The following CDC42BPA variants were observed in gnomAD, a reference collection of about 807,000 sequenced individuals.
CDC42BPA encodes serine/threonine-protein kinase MRCK alpha.
CDC42BPA carries 80 observed loss-of-function variants against 223.5 expected under a neutral mutation model. The observed-to-expected ratio is 0.36, with a 90% CI of 0.30 to 0.43. The LOEUF is 0.43. Ranked by LOEUF, CDC42BPA falls within the 20% of genes least tolerant of loss-of-function variation. CDC42BPA has a pLI of 1.00. For missense variants in CDC42BPA, 1,743 were observed against 2,099.9 expected (o/e 0.83, Z 3.32); for synonymous variants, 694 against 718.6 (o/e 0.97, Z 0.55).
chr1:227,301,067 CTG>C (rs1379958421), intron 1 of CDC42BPA, among the ~76,000 whole-genome samples: 1 of 151,822 alleles, frequency 6.6e-6, no homozygotes, highest in Non-Finnish European at 1.5e-5. Context: ...TGTTCTTTTG[CTG>C]TGTGTTCACA....
At chr1:227,059,653 A>C (rs1675386959) in intron 21 of CDC42BPA, among the ~76,000 whole-genome samples, 1 of 152,154 alleles carries the variant, frequency 6.6e-6, no homozygotes, top group Non-Finnish European at 1.5e-5. Context: ...TGACCCACAA[A>C]ATAAGCCTTC....
intron 1 of CDC42BPA, among the ~76,000 whole-genome samples, chr1:227,282,033 T>C (rs927084518): frequency 1.3e-5 from 2 of 151,760 alleles, no homozygotes; most frequent in Non-Finnish European, 1.5e-5. Flanking sequence ...CTACTAAAAA[T>C]ACAAAATTAG....
intron 1 of CDC42BPA, among the ~76,000 whole-genome samples, chr1:227,310,810 C>G (rs371498712): frequency 1.1e-4 from 17 of 151,876 alleles, no homozygotes; most frequent in Middle Eastern, 3.4e-3. Flanking sequence ...CCTCAGCCTC[C>G]TGAGTAGCTG....
intron 2 of CDC42BPA, among the ~76,000 whole-genome samples, chr1:227,227,125 A>G (rs1286336561): frequency 1.3e-5 from 2 of 152,154 alleles, no homozygotes; most frequent in Admixed American, 6.5e-5. Flanking sequence ...GAAACAAGGT[A>G]ATTTGTTAAG....
At chr1:227,211,032 A>C (rs530571971) in intron 3 of CDC42BPA, among the ~76,000 whole-genome samples, 37 of 152,190 alleles carry the variant, frequency 2.4e-4, no homozygotes, top group Non-Finnish European at 4.4e-4. Context: ...CTTCCCTTCT[A>C]CAGGTAGGGA....
intron 6 of CDC42BPA, among the ~76,000 whole-genome samples, chr1:227,151,065 C>G (rs1176967135): frequency 6.6e-6 from 1 of 151,896 alleles, no homozygotes; most frequent in Non-Finnish European, 1.5e-5. Flanking sequence ...GCATAAGTAC[C>G]TTCACACTGT....
chr1:227,248,253 G>C (rs780718642), intron 2 of CDC42BPA, among the ~76,000 whole-genome samples: 1 of 152,098 alleles, frequency 6.6e-6, no homozygotes, highest in African/African-American at 2.4e-5. Flanking sequence ...GTATTAGCTA[G>C]AGCAATTAAA....
intron 16 of CDC42BPA, among the ~76,000 whole-genome samples, chr1:227,083,403 T>A (rs111774646): frequency 1.3e-5 from 2 of 152,222 alleles, no homozygotes; most frequent in African/African-American, 4.8e-5. Context: ...CAGTTTTGTA[T>A]AGATTCCAGT....
At chr1:227,141,597 A>G (rs1006514015) in intron 9 of CDC42BPA, among the ~76,000 whole-genome samples, 6 of 152,170 alleles carry the variant, frequency 3.9e-5, no homozygotes, top group African/African-American at 1.4e-4. Context: ...CAATCCTTTC[A>G]GTGAAAGGAG....
chr1:227,310,168 C>G (rs140411662), intron 1 of CDC42BPA, among the ~76,000 whole-genome samples: 323 of 152,270 alleles, frequency 2.1e-3, no homozygotes, highest in Middle Eastern at 6.8e-3. Flanking sequence ...TCCAGACGCT[C>G]TGAAAAAAAG....
intron 32 of CDC42BPA, among the ~76,000 whole-genome samples, chr1:227,020,055 G>A (rs1667086732): frequency 6.6e-6 from 1 of 151,964 alleles, no homozygotes; most frequent in South Asian, 2.1e-4. Context: ...TGCCACCACA[G>A]CTGGCTAATT....
intron 11 of CDC42BPA, among the ~76,000 whole-genome samples, chr1:227,125,602 T>TG (rs367953487): frequency 0.067 from 7,836 of 117,492 alleles, 347 homozygotes; most frequent in East Asian, 0.18. Flanking sequence ...GTCTACAAAT[T>TG]AAAAAAAAAA....
Position 227,112,388 on chromosome 1 carries a change from G to A in CDC42BPA, c.1925C>T (p.Ala642Val), listed in dbSNP as rs772855370. The stretch of plus-strand genomic sequence containing the variant: ...TTCACGTAGCTTCCTGTCTTTAGAT[G>A]CTTCAGCAGCTAGAGCTTCTGTATG... Reference protein sequence around the residue: ...EVHTEALAAEASKDRKLREQS... With the variant: ...EVHTEALAAEVSKDRKLREQS... Residue 642 changes from alanine (A) to valine (V), a missense_variant, in exon 14 of 37, where the codon GCA becomes GTA. By Grantham distance (64) the Ala-to-Val change is moderately conservative. Coordinates refer to ENST00000366766, the MANE Select transcript of CDC42BPA (RefSeq NM_001394014.1). The A allele has an allele frequency of 1.2e-6, 2 of 1,605,198 alleles. No homozygotes were observed. The highest frequency in any genetic ancestry group is 1.7e-6 in the Non-Finnish European group (2 of 1,176,026).
chr1:227,087,968 A>C (rs1233394417), intron 16 of CDC42BPA, among the ~76,000 whole-genome samples: 2 of 152,008 alleles, frequency 1.3e-5, no homozygotes, highest in African/African-American at 4.8e-5. Flanking sequence ...TTTCAGTTGG[A>C]GATTTGCAAG....
At chr1:227,004,972 T>A in intron 35 of CDC42BPA, 22 bp downstream of exon 35, 1 of 1,551,440 alleles carries the variant, frequency 6.4e-7, no homozygotes, top group Middle Eastern at 1.7e-4. Context: ...CAGAGGCACC[T>A]TCCTGTAGCC....
chr1:227,133,344 C>T lies in CDC42BPA; in HGVS notation c.1391-4113G>A, dbSNP rs1266771276. On this transcript the variant is annotated intron_variant, in intron 10 of 36. Transcript: ENST00000366766. ...CGCCCAGTCCGGGAGGAGGTGGGGG[C>T]GGACAGCCCCCCGCCTGGCCAGCTG... is the stretch of plus-strand genomic sequence containing the variant. Among the ~76,000 whole-genome samples the T allele has an allele frequency of 2.9e-5, 4 of 139,434 alleles. No individual in the cohort carries two copies. The South Asian group carries it at 7.2e-4, about 25-fold the overall frequency. The allele number at this position is 139,434 out of a possible 152,430, so 91.5% of individuals were successfully genotyped here. A position where few individuals can be genotyped will look rare whatever the true frequency, so the allele number is the denominator to read the frequency against.
rs1676539709 is a variant in CDC42BPA, at chr1:227,064,338, T to A, written c.2904+5439A>T. On this transcript the variant is annotated intron_variant, in intron 21 of 36. Coordinates refer to ENST00000366766, the MANE Select transcript of CDC42BPA (RefSeq NM_001394014.1). ...ACTTACTTAGCACATATTTAATATA[T>A]GACAATACGTTTCTCAAATATAAAG... is the stretch of plus-strand genomic sequence containing the variant. 2.0e-5 allele frequency among the ~76,000 whole-genome samples: 3 copies of A among 152,236 alleles called. No individual in the cohort carries two copies. In the South Asian group the frequency reaches 6.2e-4, roughly 32 times the overall value.
chr1:226,996,123 T>C (rs911854254), intron 35 of CDC42BPA, among the ~76,000 whole-genome samples: 1 of 152,202 alleles, frequency 6.6e-6, no homozygotes, highest in Non-Finnish European at 1.5e-5. Flanking sequence ...GCGAAGCCCC[T>C]GGGCTGCAGT....
intron 1 of CDC42BPA, among the ~76,000 whole-genome samples, chr1:227,292,223 C>T (rs529660936): frequency 2.0e-5 from 3 of 152,208 alleles, no homozygotes; most frequent in Admixed American, 6.5e-5. Context: ...CCTAGTGATC[C>T]GCCTGTCTTG....
Sources: gnomAD v4.1 joint callset for allele counts (sites outside exome capture counted in the v4.1 genomes callset) on GRCh38, gnomAD v4.1.1 for gene constraint, MANE v1.5 for transcripts, NCBI Gene and HGNC (gene_info 2026-07-23, HGNC 2026-07-21) for gene names.